SEMA4B: variants seen among roughly 807,000 people sequenced by gnomAD.
The protein encoded by SEMA4B is semaphorin 4B.
SEMA4B carries 55 observed loss-of-function variants against 88.1 expected under a neutral mutation model. That is an observed-to-expected ratio of 0.62 (90% CI 0.50 to 0.78). The LOEUF (loss-of-function observed/expected upper bound fraction) is 0.78, where lower values mean the gene tolerates loss of function less well. Among genes scored for constraint, SEMA4B ranks in the 30% least tolerant of loss-of-function variants. The pLI, the probability that SEMA4B is intolerant of heterozygous loss-of-function variation, is 0.00. For missense variants in SEMA4B, 1,062 were observed against 1,111.9 expected (o/e 0.96, Z 0.64); for synonymous variants, 525 against 473.6 (o/e 1.11, Z -1.41).
rs200065405 is a variant in SEMA4B, at chr15:90,217,784, C to T, written c.339C>T (p.Asp113=). 8.0e-5 allele frequency: 129 copies of T among 1,613,530 alleles called. No individual in the cohort carries two copies. The highest frequency in any genetic ancestry group is 1.6e-4 in the Middle Eastern group (1 of 6,062). ...TTCCCCAGCTGCTTTGGGGTGCAGA[C>T]GCAGAGAAGAAACAGCAGTGCAGCT... ...GEYQELLWGA[D]AEKKQQCSFK... Residue 113 remains aspartate, a synonymous_variant, in exon 3 of 14, where the codon GAC becomes GAT. Transcript: ENST00000411539.
intron 1 of SEMA4B, among the ~76,000 whole-genome samples, chr15:90,203,988 C>T (rs1960869883): frequency 7.0e-6 from 1 of 143,808 alleles, no homozygotes; most frequent in Non-Finnish European, 1.5e-5. Context: ...CTCATACCCA[C>T]CTCCTACTCT....
At chr15:90,197,588 C>G, upstream of SEMA4B, among the ~76,000 whole-genome samples, 1 of 151,718 alleles carries the variant, frequency 6.6e-6, no homozygotes, top group Non-Finnish European at 1.5e-5. Context: ...CAGGCGCCCG[C>G]CACCACGCCC....
chr15:90,213,975 C>G (rs74037027), intron 1 of SEMA4B, among the ~76,000 whole-genome samples: 2 of 152,158 alleles, frequency 1.3e-5, no homozygotes, highest in Non-Finnish European at 2.9e-5. Flanking sequence ...GCTCAGCCAC[C>G]TGACCCCCGT....
At chr15:90,210,247 G>A (rs1305578140) in intron 1 of SEMA4B, among the ~76,000 whole-genome samples, 1 of 152,234 alleles carries the variant, frequency 6.6e-6, no homozygotes, top group East Asian at 1.9e-4. Flanking sequence ...CTGGAAGGGG[G>A]CGGTGAGGTG....
chr15:90,218,544 T>TC (rs1212627596), intron 3 of SEMA4B, among the ~76,000 whole-genome samples: 1 of 152,190 alleles, frequency 6.6e-6, no homozygotes, highest in African/African-American at 2.4e-5. Flanking sequence ...TCCCAGCACT[T>TC]CGGGAGGCTG....
chr15:90,192,400 G>A (rs932889866), intron 1 of SEMA4B, among the ~76,000 whole-genome samples: 2 of 152,248 alleles, frequency 1.3e-5, no homozygotes, highest in African/African-American at 4.8e-5. Context: ...CAGCTGGGCA[G>A]AGGCTGTACC....
At chr15:90,218,663 A>C (rs1038658052) in intron 3 of SEMA4B, among the ~76,000 whole-genome samples, 3 of 152,016 alleles carry the variant, frequency 2.0e-5, no homozygotes, top group Non-Finnish European at 4.4e-5. Flanking sequence ...AAATACAAAA[A>C]ACATTAGCCA....
At chr15:90,189,599 A>C (rs950791528) in intron 1 of SEMA4B, among the ~76,000 whole-genome samples, 2 of 152,204 alleles carry the variant, frequency 1.3e-5, no homozygotes, top group African/African-American at 4.8e-5. Context: ...AATTTGCCAA[A>C]TATTTCATGT....
chr15:90,226,821 T>G (rs1962197131), intron 12 of SEMA4B, among the ~76,000 whole-genome samples: 1 of 152,188 alleles, frequency 6.6e-6, no homozygotes, highest in South Asian at 2.1e-4. Flanking sequence ...CTGTGATTTT[T>G]GTAGTGTTTT....
intron 1 of SEMA4B, chr15:90,207,004 G>T (rs965999319): frequency 2.2e-6 from 1 of 462,628 alleles, no homozygotes; most frequent in Non-Finnish European, 4.0e-6. Context: ...AACAAAAAAA[G>T]CCTGGTGCCC....
At chr15:90,220,418 A>C (rs1596150345) in intron 4 of SEMA4B, among the ~76,000 whole-genome samples, 1 of 125,050 alleles carries the variant, frequency 8.0e-6, no homozygotes, top group African/African-American at 3.2e-5. Context: ...CCCAGGCTGG[A>C]GTGCAGTGGC....
chr15:90,206,128 G>C (rs1960975319), intron 1 of SEMA4B, among the ~76,000 whole-genome samples: 1 of 152,200 alleles, frequency 6.6e-6, no homozygotes, highest in Admixed American at 6.5e-5. Flanking sequence ...ACGGGGCCTG[G>C]AGAAAAGGCT....
In SEMA4B at chr15:90,186,720, T is replaced by C. The variant is rs186852058; in HGVS notation, c.-122+1639T>C. ...TGGGAGGCCGAGATGGGCGGAGAGG[T>C]CAGGAGATCAAGACCATCCTGGCTA... On this transcript the variant is annotated intron_variant, in intron 1 of 14. Coordinates refer to the SEMA4B transcript ENST00000332496. 4.9e-3 allele frequency among the ~76,000 whole-genome samples: 743 copies of C among 152,066 alleles called. 6 individuals are homozygous for C. The highest frequency in any genetic ancestry group is 0.017 in the African/African-American group (686 of 41,452).
intron 12 of SEMA4B, among the ~76,000 whole-genome samples, chr15:90,226,156 A>G (rs1962163217): frequency 6.6e-6 from 1 of 152,166 alleles, no homozygotes; most frequent in Admixed American, 6.5e-5. Context: ...AAACCCAGTA[A>G]AAATTGGTTT....
At chr15:90,203,278 G>A (rs541946177) in intron 1 of SEMA4B, among the ~76,000 whole-genome samples, 2 of 152,282 alleles carry the variant, frequency 1.3e-5, no homozygotes, top group South Asian at 2.1e-4. Context: ...GTGAAGTCAG[G>A]ATGAACAGGT....
intron 1 of SEMA4B, among the ~76,000 whole-genome samples, chr15:90,210,403 G>T (rs190661195): frequency 9.2e-5 from 14 of 152,264 alleles, no homozygotes; most frequent in Non-Finnish European, 1.5e-4. Flanking sequence ...GGGCTTGAAC[G>T]GAGTTAAGAA....
At chr15:90,205,697 G>T (rs142894051) in intron 1 of SEMA4B, among the ~76,000 whole-genome samples, 1 of 152,214 alleles carries the variant, frequency 6.6e-6, no homozygotes, top group African/African-American at 2.4e-5. Flanking sequence ...TGCCAGCCTT[G>T]CTTGGTGAGG....
intron 1 of SEMA4B, among the ~76,000 whole-genome samples, chr15:90,204,379 G>T (rs570660377): frequency 6.7e-4 from 102 of 152,308 alleles, no homozygotes; most frequent in African/African-American, 2.3e-3. Context: ...CGTCCAGCTT[G>T]CCCTGCATCT....
intron 1 of SEMA4B, chr15:90,206,833 G>A (rs1333549767): frequency 4.1e-6 from 3 of 726,942 alleles, no homozygotes; most frequent in African/African-American, 3.5e-5. Flanking sequence ...GGGGGAATGG[G>A]TAGGTCTCTG....
Sources: gnomAD v4.1 joint callset for allele counts (sites outside exome capture counted in the v4.1 genomes callset) on GRCh38, gnomAD v4.1.1 for gene constraint, MANE v1.5 for transcripts, NCBI Gene and HGNC (gene_info 2026-07-23, HGNC 2026-07-21) for gene names.